The following WDR41 variants were observed in gnomAD, a reference collection of about 807,000 sequenced individuals.
The protein encoded by WDR41 is WD repeat-containing protein 41.
WDR41 carries 63 observed loss-of-function variants against 69.3 expected under a neutral mutation model. The ratio of observed to expected loss-of-function variants is 0.91; its 90% CI spans 0.74 to 1.12. The LOEUF (loss-of-function observed/expected upper bound fraction) is 1.12, where lower values mean the gene tolerates loss of function less well. Among genes scored for constraint, WDR41 ranks in the 50% most tolerant of loss-of-function variants. WDR41 has a pLI of 0.00. For synonymous variants in WDR41, 185 were observed against 192.1 expected, an observed-to-expected ratio of 0.96 and a Z score of 0.31; for missense variants, 543 against 534.5, an observed-to-expected ratio of 1.02 and a Z score of -0.16.
At chr5:77,505,808 C>T (rs1431689275) in intron 1 of WDR41, among the ~76,000 whole-genome samples, 24 of 152,164 alleles carry the variant, frequency 1.6e-4, no homozygotes, top group East Asian at 3.9e-4. Context: ...ATTTAATAAA[C>T]GGTGCTGGGA....
rs556848160 is a variant in WDR41, at chr5:77,447,156, G to C, written c.697+2604C>G. Among the ~76,000 whole-genome samples the C allele has an allele frequency of 3.5e-3, 537 of 152,150 alleles. 3 individuals are homozygous for C. The highest frequency in any genetic ancestry group is 0.012 in the African/African-American group (498 of 41,524). The stretch of plus-strand genomic sequence containing the variant: ...ACATTTATGTGGCCAAAAAACATAT[G>C]AAAAAAAGCTCAACATCACTGATCA... On this transcript the variant is annotated intron_variant, in intron 8 of 12. Transcript: ENST00000296679.
At chr5:77,469,499 T>G (rs929187735) in intron 2 of WDR41, among the ~76,000 whole-genome samples, 1 of 152,142 alleles carries the variant, frequency 6.6e-6, no homozygotes, top group Non-Finnish European at 1.5e-5. Flanking sequence ...ACAGACTTAA[T>G]CCAATTCAAA....
At chr5:77,467,725 A>C (rs905358567) in intron 2 of WDR41, among the ~76,000 whole-genome samples, 4 of 152,084 alleles carry the variant, frequency 2.6e-5, no homozygotes, top group Non-Finnish European at 5.9e-5. Flanking sequence ...TGAATGCATA[A>C]GCAAACATTT....
intron 1 of WDR41, among the ~76,000 whole-genome samples, chr5:77,616,015 A>T (rs7710344): frequency 0.29 from 39,795 of 136,978 alleles, 6,452 homozygotes; most frequent in African/African-American, 0.46. Context: ...ATAAATAAAT[A>T]AATTAATTAA....
At chr5:77,615,205 G>T (rs1744655003) in intron 1 of WDR41, among the ~76,000 whole-genome samples, 1 of 152,148 alleles carries the variant, frequency 6.6e-6, no homozygotes, top group Admixed American at 6.5e-5. Context: ...CCACTCTGTT[G>T]TATGGACCTT....
At chr5:77,438,917 C>G (rs1406309259) in intron 9 of WDR41, among the ~76,000 whole-genome samples, 1 of 152,272 alleles carries the variant, frequency 6.6e-6, no homozygotes, top group East Asian at 1.9e-4. Context: ...TACCTTTTTA[C>G]TAAAACAACT....
chr5:77,435,520 T>TGCTGCC (rs1461754411), intron 12 of WDR41, among the ~76,000 whole-genome samples: 2 of 152,218 alleles, frequency 1.3e-5, no homozygotes, highest in African/African-American at 4.8e-5. Context: ...CTAACAAGGA[T>TGCTGCC]GCTGCCGCTG....
intron 1 of WDR41, among the ~76,000 whole-genome samples, chr5:77,601,718 C>T (rs565988520): frequency 1.3e-5 from 2 of 152,284 alleles, no homozygotes; most frequent in South Asian, 4.1e-4. Flanking sequence ...TTACCTGGTG[C>T]CTCCCTCAGA....
rs776766189 is a variant in WDR41 at position 77,436,381 on chromosome 5, CAT to C, written c.1105_1106del (p.Met369ValfsTer15). Reference protein sequence around the residue: ...AEPVPTGFFNMWGFGRVSKQA... With the variant: ...AEPVPTGFFNXWGFGRVSKQA... Reference sequence around the variant, plus strand: ...GTTTGCTGACTCTTCCAAATCCCCACATGTTAAAAAAACCTAGAAAAAGAATC... The same window carrying C: ...GTTTGCTGACTCTTCCAAATCCCCACGTTAAAAAAACCTAGAAAAAGAATC... On this transcript the variant is annotated frameshift_variant, in exon 12 of 13. Coordinates refer to ENST00000296679, the MANE Select transcript of WDR41 (RefSeq NM_018268.4). LOFTEE classifies it high-confidence loss of function. 1.4e-4 allele frequency: 226 copies of C among 1,613,824 alleles called. No homozygotes were observed. The highest frequency in any genetic ancestry group is 3.7e-4 in the African/African-American group (28 of 75,026).
In WDR41 at chr5:77,492,025, G is replaced by A. The variant is rs1268740669; in HGVS notation, c.51+145C>T. The A allele has an allele frequency of 8.5e-6, 9 of 1,064,676 alleles. No homozygotes were observed. The African/African-American group carries it at 1.3e-4, about 16-fold the overall frequency. The allele number at this position is 1,064,676 out of a possible 1,614,324, so 66.0% of individuals were successfully genotyped here. On this transcript the variant is annotated intron_variant, in intron 1 of 12. Coordinates refer to ENST00000296679, the MANE Select transcript of WDR41 (RefSeq NM_018268.4). Reference sequence around the variant, plus strand: ...TCCCGCGCCCTCCGCCCCCACCGTCGTGAGAACAGCGCGTGGCACGAGCTC... The same window carrying A: ...TCCCGCGCCCTCCGCCCCCACCGTCATGAGAACAGCGCGTGGCACGAGCTC...
At chr5:77,561,558 T>C (rs947275579) in intron 1 of WDR41, among the ~76,000 whole-genome samples, 4 of 152,186 alleles carry the variant, frequency 2.6e-5, no homozygotes, top group Non-Finnish European at 4.4e-5. Context: ...ATCTTATTAA[T>C]ATATAGGCTC....
chr5:77,456,909 G>A (rs913788839), intron 5 of WDR41, among the ~76,000 whole-genome samples: 9 of 151,730 alleles, frequency 5.9e-5, no homozygotes, highest in African/African-American at 2.2e-4. Context: ...TCACCATGTT[G>A]CTCAGGCTGG....
chr5:77,529,002 A>G (rs999433960), intron 1 of WDR41, among the ~76,000 whole-genome samples: 2 of 151,612 alleles, frequency 1.3e-5, no homozygotes, highest in African/African-American at 2.4e-5. Context: ...CATTTCTTCT[A>G]TCAACTTTGT....
intron 1 of WDR41, among the ~76,000 whole-genome samples, chr5:77,590,903 T>TA (rs1744125712): frequency 2.0e-5 from 3 of 152,182 alleles, no homozygotes; most frequent in Non-Finnish European, 4.4e-5. Flanking sequence ...AAGTGCTCCC[T>TA]CTTTTTTTGT....
In WDR41 at chr5:77,563,648, G is replaced by A. The variant is rs149654083; in HGVS notation, c.42+56831C>T. On this transcript the variant is annotated intron_variant, in intron 1 of 5. Coordinates refer to the WDR41 transcript ENST00000509971. ...GGCACTAGAAGGTAATTACGATACA[G>A]TGCTGTGTACTCTCACGAGGAACCG... Among the ~76,000 whole-genome samples the A allele has an allele frequency of 1.2e-4, 19 of 152,280 alleles. No homozygotes were observed. In the East Asian group the frequency reaches 3.5e-3, roughly 28 times the overall value.
intron 10 of WDR41, 105 bp downstream of exon 10, chr5:77,438,135 G>T: frequency 6.6e-7 from 1 of 1,523,884 alleles, no homozygotes; most frequent in Non-Finnish European, 8.9e-7. Flanking sequence ...AACACAGCAG[G>T]TCAAGCCATG....
At chr5:77,571,750 G>A (rs934744420) in intron 1 of WDR41, among the ~76,000 whole-genome samples, 3 of 152,192 alleles carry the variant, frequency 2.0e-5, no homozygotes, top group Admixed American at 2.0e-4. Flanking sequence ...TGCTTTTGAA[G>A]TTAATAGAAA....
At chr5:77,470,686 C>G (rs971014505) in intron 2 of WDR41, among the ~76,000 whole-genome samples, 3 of 152,136 alleles carry the variant, frequency 2.0e-5, no homozygotes, top group African/African-American at 7.2e-5. Context: ...CAAAGAAGGC[C>G]ATTACATCAT....
chr5:77,503,866 C>T (rs925469396), intron 1 of WDR41, among the ~76,000 whole-genome samples: 2 of 152,208 alleles, frequency 1.3e-5, no homozygotes, highest in African/African-American at 4.8e-5. Flanking sequence ...CTCTGGGACA[C>T]ACTTAAAGCA....
Sources: allele counts gnomAD v4.1 joint callset (sites outside exome capture counted in the v4.1 genomes callset), GRCh38; gene constraint gnomAD v4.1.1; transcripts MANE v1.5; gene names NCBI Gene and HGNC (gene_info 2026-07-23, HGNC 2026-07-21).